Variants in MID2 observed in about 807,000 individuals in gnomAD.
MID2 encodes midline 2.
Under a neutral mutation model 46.1 loss-of-function variants are expected in MID2, and 13 were observed. The ratio of observed to expected loss-of-function variants is 0.28; its 90% CI spans 0.18 to 0.45. The LOEUF (loss-of-function observed/expected upper bound fraction) is 0.45, where lower values mean the gene tolerates loss of function less well. Ranked by LOEUF, MID2 falls within the 20% of genes least tolerant of loss-of-function variation. The pLI is 1.00. For missense variants in MID2, 431 were observed against 575.4 expected (o/e 0.75, Z 2.57); for synonymous variants, 199 against 212.3 (o/e 0.94, Z 0.55).
At chrX:107,833,634 C>T (rs1402344990) in intron 1 of MID2, among the ~76,000 whole-genome samples, 1 of 110,183 alleles carries the variant, frequency 9.1e-6, no homozygotes, top group African/African-American at 3.3e-5. Flanking sequence ...TTTAATTATG[C>T]TCAAGTAACC....
chrX:107,846,153 G>A (rs1401275357), intron 2 of MID2, among the ~76,000 whole-genome samples: 1 of 111,116 alleles, frequency 9.0e-6, no homozygotes, highest in African/African-American at 3.3e-5. Flanking sequence ...GAGTGTTAGA[G>A]CCTCAGCAGA....
chrX:107,837,519 G>A (rs772125460), intron 1 of MID2, among the ~76,000 whole-genome samples: 1 of 99,757 alleles, frequency 1.0e-5, no homozygotes, highest in South Asian at 4.5e-4. Context: ...GATAAAAATA[G>A]ACGTAGAAAC....
At chrX:107,856,908 G>A (rs1931749727) in intron 3 of MID2, among the ~76,000 whole-genome samples, 1 of 111,712 alleles carries the variant, frequency 9.0e-6, no homozygotes, top group Non-Finnish European at 1.9e-5. Flanking sequence ...AGCCACTGTC[G>A]GCTCTGGATA....
chrX:107,845,521 A>ACTCTCTCTCTCTCT (rs1393665429), intron 2 of MID2, among the ~76,000 whole-genome samples: 126 of 85,617 alleles, frequency 1.5e-3, no homozygotes, highest in East Asian at 0.014. Context: ...ACACACACAC[A>ACTCTCTCTCTCTCT]CACACTCTCT....
At chrX:107,826,604 G>A (rs1930953561) in intron 1 of MID2, among the ~76,000 whole-genome samples, 174 bp downstream of exon 1, 1 of 112,601 alleles carries the variant, frequency 8.9e-6, no homozygotes, top group Non-Finnish European at 1.9e-5. Context: ...GGCGACGGGG[G>A]CCCCAGCTCA....
intron 2 of MID2, among the ~76,000 whole-genome samples, chrX:107,851,957 A>G (rs1200368463): frequency 9.0e-6 from 1 of 110,631 alleles, no homozygotes; most frequent in Non-Finnish European, 1.9e-5. Context: ...CAATAGTACG[A>G]TCTCGGCTCA....
intron 3 of MID2, 30 bp from the exon 4 acceptor site, chrX:107,903,928 A>T: frequency 9.6e-7 from 1 of 1,045,776 alleles, no homozygotes; most frequent in Non-Finnish European, 1.3e-6. Flanking sequence ...GGCAACAATC[A>T]CTGTGTAATA....
At chrX:107,888,483 T>C (rs1029133057) in intron 3 of MID2, among the ~76,000 whole-genome samples, 2 of 112,346 alleles carry the variant, frequency 1.8e-5, no homozygotes, top group Non-Finnish European at 3.8e-5. Flanking sequence ...CACTGTGGTC[T>C]GAGAGACAGT....
At chrX:107,875,329 C>G (rs1932173581) in intron 3 of MID2, among the ~76,000 whole-genome samples, 1 of 111,748 alleles carries the variant, frequency 8.9e-6, no homozygotes, top group Admixed American at 9.4e-5. Context: ...AGGTCCTGAA[C>G]TAGTCTTCAT....
chrX:107,885,122 T>C (rs1189560242), intron 3 of MID2, among the ~76,000 whole-genome samples: 1 of 109,062 alleles, frequency 9.2e-6, no homozygotes, highest in East Asian at 2.8e-4. Context: ...TATTTATTTA[T>C]TTATTTATTT....
intron 4 of MID2, 51 bp downstream of exon 4, chrX:107,904,116 T>C (rs764136009): frequency 3.5e-6 from 3 of 849,333 alleles, no homozygotes; most frequent in Non-Finnish European, 3.5e-6. Context: ...TTTACAAATA[T>C]CAAAGTTTGA....
Position 107,826,161 on chromosome X carries a change from C to A in MID2, c.-266C>A. ...GAGGGGCGAAAACTCTTAAGTTTAG[C>A]TCGGGAGGCCCAGCTGCGGTAGCAT... is the stretch of plus-strand genomic sequence containing the variant. On this transcript the variant is annotated 5_prime_UTR_variant, in exon 1 of 10. Transcript: ENST00000262843. The A allele has an allele frequency of 3.4e-6, 1 of 297,333 alleles. No homozygotes were observed. Among genetic ancestry groups the A allele is most frequent in the Non-Finnish European group, 5.9e-6 (1 of 170,539 alleles). The allele number at this position is 297,333 out of a possible 1,213,427, so 24.5% of individuals were successfully genotyped here. A position where few individuals can be genotyped will look rare whatever the true frequency, so the allele number is the denominator to read the frequency against.
At chrX:107,842,276 C>G (rs1931363727) in intron 2 of MID2, among the ~76,000 whole-genome samples, 1 of 112,164 alleles carries the variant, frequency 8.9e-6, no homozygotes, top group South Asian at 3.7e-4. Context: ...TCTAAGTGCC[C>G]ATAAAAAGTC....
chrX:107,923,469 C>T (rs1456994936), intron 7 of MID2, among the ~76,000 whole-genome samples: 1 of 112,110 alleles, frequency 8.9e-6, no homozygotes, highest in Non-Finnish European at 1.9e-5. Context: ...GTTCTCTGAT[C>T]CCTTTCCCTA....
At chrX:107,860,462 C>CCCCT (rs1305189286) in intron 3 of MID2, among the ~76,000 whole-genome samples, 2 of 111,838 alleles carry the variant, frequency 1.8e-5, no homozygotes, top group Non-Finnish European at 3.8e-5. Context: ...AAGGGATATA[C>CCCCT]TTGGAAGTCA....
chrX:107,832,583 A>G (rs1326020393), intron 1 of MID2, among the ~76,000 whole-genome samples: 1 of 111,604 alleles, frequency 9.0e-6, no homozygotes, highest in Admixed American at 9.5e-5. Flanking sequence ...TAGATGAAAA[A>G]GCTGTGGCCC....
chrX:107,911,054 A>G (rs1180681791), intron 5 of MID2, among the ~76,000 whole-genome samples: 1 of 106,987 alleles, frequency 9.3e-6, no homozygotes, highest in Non-Finnish European at 1.9e-5. Flanking sequence ...TGGTTTCACC[A>G]TGTTGGCCAG....
intron 3 of MID2, among the ~76,000 whole-genome samples, chrX:107,900,546 T>C (rs1932786978): frequency 9.0e-6 from 1 of 111,388 alleles, no homozygotes; most frequent in African/African-American, 3.3e-5. Flanking sequence ...CAGTCCCTGT[T>C]CATCTTCTTA....
chrX:107,891,279 C>A (rs1020752493), intron 3 of MID2, among the ~76,000 whole-genome samples: 2 of 93,366 alleles, frequency 2.1e-5, no homozygotes, highest in Non-Finnish European at 2.1e-5. Flanking sequence ...TGTTTTATAC[C>A]TTTTTTTTTT....
Sources: gnomAD v4.1 joint callset for allele counts (sites outside exome capture counted in the v4.1 genomes callset) on GRCh38, gnomAD v4.1.1 for gene constraint, MANE v1.5 for transcripts, NCBI Gene and HGNC (gene_info 2026-07-23, HGNC 2026-07-21) for gene names.